UBE2D4: variants seen among roughly 807,000 people sequenced by gnomAD.
UBE2D4 encodes the protein ubiquitin conjugating enzyme E2 D4.
Under a neutral mutation model 23.0 loss-of-function variants are expected in UBE2D4, and 17 were observed. That is an observed-to-expected ratio of 0.74 (90% CI 0.51 to 1.11). The LOEUF (loss-of-function observed/expected upper bound fraction) is 1.11. Among genes scored for constraint, UBE2D4 ranks in the 50% least tolerant of loss-of-function variants. UBE2D4 has a pLI of 0.00. For missense variants in UBE2D4, 139 were observed against 181.8 expected (o/e 0.76, Z 1.35); for synonymous variants, 61 against 69.4 (o/e 0.88, Z 0.60).
At chr7:43,937,665 G>A (rs2095961479) in intron 1 of UBE2D4, among the ~76,000 whole-genome samples, 1 of 152,224 alleles carries the variant, frequency 6.6e-6, no homozygotes, top group Non-Finnish European at 1.5e-5. Context: ...TAAATTTGAA[G>A]TGAAGGGGAT....
chr7:43,942,918 C>T (rs773262909), intron 3 of UBE2D4, 36 bp from the exon 4 acceptor site: 2 of 1,613,972 alleles, frequency 1.2e-6, no homozygotes, highest in African/African-American at 1.3e-5. Flanking sequence ...GGGCTTAGCA[C>T]ATGCACTGAT....
intron 1 of UBE2D4, among the ~76,000 whole-genome samples, chr7:43,926,901 C>T (rs2095932586): frequency 6.6e-6 from 1 of 152,156 alleles, no homozygotes; most frequent in Admixed American, 6.5e-5. Context: ...AAGCTGGGTC[C>T]TAAGGGATGA....
chr7:43,942,694 A>G (rs2095975838), intron 2 of UBE2D4, 132 bp from the exon 3 acceptor site: 2 of 1,314,858 alleles, frequency 1.5e-6, no homozygotes, highest in Admixed American at 3.4e-5. Context: ...GGGGAACCCC[A>G]GTCTTGCAGT....
At chr7:43,934,505 CTATGTT>C (rs2095954170) in intron 1 of UBE2D4, among the ~76,000 whole-genome samples, 1 of 146,866 alleles carries the variant, frequency 6.8e-6, no homozygotes, top group Non-Finnish European at 1.5e-5. Context: ...ACACACAAAG[CTATGTT>C]TAAGCCTAAA....
chr7:43,952,538 T>C, intron 6 of UBE2D4, 112 bp from the exon 7 acceptor site: 1 of 968,506 alleles, frequency 1.0e-6, no homozygotes, highest in African/African-American at 1.6e-5. Flanking sequence ...CCGTAGATGT[T>C]TGACAAGCAG....
chr7:43,931,196 G>T (rs1010195605), intron 1 of UBE2D4, among the ~76,000 whole-genome samples: 2 of 152,148 alleles, frequency 1.3e-5, no homozygotes, highest in Admixed American at 1.3e-4. Flanking sequence ...TAGCACTTTG[G>T]GAGGCTAAGG....
At position 43,955,001 on chromosome 7, in the gene UBE2D4, A is replaced by G. The variant is rs1039028818; in HGVS notation, c.*2306A>G. The G allele has an allele frequency of 1.3e-5, 2 of 152,206 alleles. No individual in the cohort carries two copies. The highest frequency in any genetic ancestry group is 4.8e-5 in the African/African-American group (2 of 41,446). 9.4% of individuals were successfully genotyped at this position (152,206 alleles called of 1,614,324 possible). On this transcript the variant is annotated 3_prime_UTR_variant, in exon 7 of 7. Transcript: ENST00000222402. ...TGGATATACATAATAGAGAAAGTCA[A>G]ATCAGCCCTTTGGGGTTTGTGGTAA... is the stretch of plus-strand genomic sequence containing the variant.
Position 43,953,524 on chromosome 7 carries a change from A to C in UBE2D4, c.*829A>C. On this transcript the variant is annotated 3_prime_UTR_variant, in exon 7 of 7. Transcript: ENST00000222402. ...GACTAGAACACAAGGAGGGAGAGAGACTCTTAAACGTAAATAAAAATGCAA... is the reference window on the plus strand; with the variant it reads ...GACTAGAACACAAGGAGGGAGAGAGCCTCTTAAACGTAAATAAAAATGCAA... The C allele has an allele frequency of 4.5e-6, 1 of 221,818 alleles. No homozygotes were observed. The highest frequency in any genetic ancestry group is 1.1e-4 in the East Asian group (1 of 8,752). The allele number at this position is 221,818 out of a possible 1,614,324, so 13.7% of individuals were successfully genotyped here.
At chr7:43,950,827 C>T (rs1012044382) in intron 6 of UBE2D4, 135 bp downstream of exon 6, 2 of 708,392 alleles carry the variant, frequency 2.8e-6, no homozygotes, top group Non-Finnish European at 4.9e-6. Context: ...GCCATGTGCA[C>T]AGAGGGTGTG....
At position 43,945,702 on chromosome 7, in the gene UBE2D4, G is replaced by A. The variant is rs575457859; in HGVS notation, c.198+2671G>A. Reference sequence around the variant, plus strand: ...AAAAAATTGTAGATAATGATATAAAGGATGTTTGTGCATCCTCCATCTAGA... The same window carrying A: ...AAAAAATTGTAGATAATGATATAAAAGATGTTTGTGCATCCTCCATCTAGA... On this transcript the variant is annotated intron_variant, in intron 4 of 6. Transcript: ENST00000222402. Among the ~76,000 whole-genome samples the A allele has an allele frequency of 1.2e-4, 18 of 151,610 alleles. No individual in the cohort carries two copies. The South Asian group carries it at 3.7e-3, about 32-fold the overall frequency.
chr7:43,949,992 T>C (rs10224076), intron 5 of UBE2D4, among the ~76,000 whole-genome samples: 14,138 of 152,166 alleles, frequency 0.093, 853 homozygotes, highest in Middle Eastern at 0.15. Context: ...GTAGCTGGGA[T>C]TACAAGCATG....
intron 2 of UBE2D4, chr7:43,942,508 C>T (rs2095975336): frequency 3.9e-6 from 2 of 514,000 alleles, no homozygotes; most frequent in South Asian, 2.2e-5. Flanking sequence ...TGCCATACAG[C>T]AATGCCAGGA....
intron 1 of UBE2D4, among the ~76,000 whole-genome samples, chr7:43,929,754 C>T (rs571320014): frequency 1.2e-4 from 18 of 152,312 alleles, no homozygotes; most frequent in African/African-American, 3.6e-4. Flanking sequence ...TAATAATTAT[C>T]GAACTTGAGA....
intron 1 of UBE2D4, among the ~76,000 whole-genome samples, chr7:43,935,057 C>T (rs1386324920): frequency 1.3e-5 from 2 of 152,168 alleles, no homozygotes; most frequent in African/African-American, 2.4e-5. Flanking sequence ...TCTTCCTAGG[C>T]CCAAGATCTG....
At chr7:43,950,933 T>A (rs1268658409) in intron 6 of UBE2D4, among the ~76,000 whole-genome samples, 1 of 152,230 alleles carries the variant, frequency 6.6e-6, no homozygotes, top group Non-Finnish European at 1.5e-5. Flanking sequence ...GATAACTCAT[T>A]AGCTGCTGCT....
Position 43,955,646 on chromosome 7 carries a change from C to T in UBE2D4, c.*2951C>T, listed in dbSNP as rs2096011798. 6.6e-6 allele frequency: 1 copy of T among 152,210 alleles called. No individual in the cohort carries two copies. The allele number at this position is 152,210 out of a possible 1,614,324, so 9.4% of individuals were successfully genotyped here. A position where few individuals can be genotyped will look rare whatever the true frequency, so the allele number is the denominator to read the frequency against. ...AAAGCCTTAAGTGCCAGAGAAGGTG[C>T]TTCCAAGACTGTCTGCAGAATTCCT... On this transcript the variant is annotated 3_prime_UTR_variant, in exon 7 of 7. Coordinates refer to ENST00000222402, the MANE Select transcript of UBE2D4 (RefSeq NM_015983.4).
chr7:43,935,281 A>G (rs1456823385), intron 1 of UBE2D4, among the ~76,000 whole-genome samples: 1 of 152,196 alleles, frequency 6.6e-6, no homozygotes, highest in Non-Finnish European at 1.5e-5. Flanking sequence ...CAGAATAAGA[A>G]CTATTAACTT....
At chr7:43,951,312 C>G (rs1306227298) in intron 6 of UBE2D4, among the ~76,000 whole-genome samples, 1 of 152,182 alleles carries the variant, frequency 6.6e-6, no homozygotes, top group Non-Finnish European at 1.5e-5. Context: ...GGGGCAGGCA[C>G]AAGGAGTCAT....
rs114974654 is a variant in UBE2D4 at position 43,936,197 on chromosome 7, A to T, written c.25-2234A>T. ...CTGATAAAAGTAATTTTTAAATACA[A>T]TTAAAGTTTATGTGCAAAGAAAGCA... is the stretch of plus-strand genomic sequence containing the variant. On this transcript the variant is annotated intron_variant, in intron 1 of 6. Transcript: ENST00000222402. Among the ~76,000 whole-genome samples the T allele has an allele frequency of 8.4e-3, 1,272 of 152,310 alleles. 18 individuals carry two copies. Among genetic ancestry groups the T allele is most frequent in the African/African-American group, 0.029 (1,203 of 41,568 alleles).
Sources: gnomAD v4.1 joint callset for allele counts (sites outside exome capture counted in the v4.1 genomes callset) on GRCh38, gnomAD v4.1.1 for gene constraint, MANE v1.5 for transcripts, NCBI Gene and HGNC (gene_info 2026-07-23, HGNC 2026-07-21) for gene names.